The following AGMO variants were observed in gnomAD, a reference collection of about 807,000 sequenced individuals.
The protein encoded by AGMO is glyceryl-ether monooxygenase.
Under a neutral mutation model 60.2 loss-of-function variants are expected in AGMO, and 75 were observed. That is an observed-to-expected ratio of 1.25 (90% CI 1.03 to 1.51). The LOEUF is 1.51. AGMO is among the 40% of genes most tolerant of loss of function. The probability of loss-of-function intolerance (pLI) is 0.00; values close to 1 mark genes in which losing one functional copy is unlikely to be tolerated. For synonymous variants in AGMO, 261 were observed against 177.1 expected (o/e 1.47, Z -3.76); for missense variants, 763 against 525.5 (o/e 1.45, Z -4.42).
chr7:15,531,011 A>G (rs1388750599), intron 3 of AGMO, among the ~76,000 whole-genome samples: 20,579 of 38,206 alleles, frequency 0.54, 8,042 homozygotes, highest in East Asian at 0.78. Flanking sequence ...TATATTCTAT[A>G]TATATTCTAT....
chr7:15,462,196 G>C (rs1782160727), intron 3 of AGMO, among the ~76,000 whole-genome samples: 1 of 152,086 alleles, frequency 6.6e-6, no homozygotes, highest in Admixed American at 6.6e-5. Flanking sequence ...TTTCACTGCA[G>C]TTATTCCCCG....
At chr7:15,322,335 A>G (rs201394485) in intron 12 of AGMO, among the ~76,000 whole-genome samples, 2 of 146,308 alleles carry the variant, frequency 1.4e-5, no homozygotes, top group Non-Finnish European at 3.0e-5. Context: ...GATATATGCC[A>G]TACCAGTTGG....
At chr7:15,194,145 T>C in the AGMO span, among the ~76,000 whole-genome samples, 4 of 152,094 alleles carry the variant, frequency 2.6e-5, no homozygotes, top group East Asian at 7.7e-4. Flanking sequence ...CTTTTTAATT[T>C]GTAATGATCA....
At chr7:15,339,989 A>T (rs2128548646) in intron 12 of AGMO, among the ~76,000 whole-genome samples, 1 of 152,312 alleles carries the variant, frequency 6.6e-6, no homozygotes, top group South Asian at 2.1e-4. Flanking sequence ...GCATAGATGG[A>T]AGGAGCATAG....
At chr7:15,209,014 GGTTT>G (rs2115474155) in intron 12 of AGMO, among the ~76,000 whole-genome samples, 1 of 152,192 alleles carries the variant, frequency 6.6e-6, no homozygotes, top group Non-Finnish European at 1.5e-5. Context: ...TAAAACCAGA[GGTTT>G]GTTTCCATAA....
chr7:15,397,434 G>GC (rs1281169303), intron 5 of AGMO, among the ~76,000 whole-genome samples: 2 of 152,084 alleles, frequency 1.3e-5, no homozygotes, highest in Non-Finnish European at 2.9e-5. Context: ...GCCTCGGCCA[G>GC]CCCCACAGAG....
intron 12 of AGMO, among the ~76,000 whole-genome samples, chr7:15,311,937 A>G (rs1780779306): frequency 6.6e-6 from 1 of 152,208 alleles, no homozygotes; most frequent in Non-Finnish European, 1.5e-5. Context: ...CCAAAAACTG[A>G]AAGTAAATGG....
At chr7:15,390,176 C>G (rs1213110911) in intron 8 of AGMO, among the ~76,000 whole-genome samples, 2 of 151,978 alleles carry the variant, frequency 1.3e-5, no homozygotes, top group African/African-American at 2.4e-5. Context: ...TAAGAGAAAA[C>G]TGGTCCAGTC....
chr7:15,557,525 T>C (rs778316290), intron 2 of AGMO, among the ~76,000 whole-genome samples: 1 of 152,050 alleles, frequency 6.6e-6, no homozygotes, highest in Non-Finnish European at 1.5e-5. Context: ...TCCTTTTTTT[T>C]TCTGAAAGGG....
intron 12 of AGMO, among the ~76,000 whole-genome samples, chr7:15,266,386 C>G (rs1783432410): frequency 1.3e-5 from 2 of 150,794 alleles, no homozygotes; most frequent in Non-Finnish European, 3.0e-5. Flanking sequence ...GCATATTTTA[C>G]TGCAATGGAA....
At position 15,385,436 on chromosome 7, in the gene AGMO, T is replaced by A; in HGVS notation, c.1074+10A>T. On this transcript the variant is annotated intron_variant, in intron 10 of 12. Coordinates refer to ENST00000342526, the MANE Select transcript of AGMO (RefSeq NM_001004320.2). Reference sequence around the variant, plus strand: ...ATGTTCTCACACTACTTAAAATGGATATTACTTACAGCTGTATCTGCAAAG... The same window carrying A: ...ATGTTCTCACACTACTTAAAATGGAAATTACTTACAGCTGTATCTGCAAAG... 2.7e-6 allele frequency: 4 copies of A among 1,495,562 alleles called. No homozygotes were observed. The highest frequency in any genetic ancestry group is 2.3e-5 in the South Asian group (2 of 87,082). 92.6% of individuals were successfully genotyped at this position (1,495,562 alleles called of 1,614,324 possible). A position where few individuals can be genotyped will look rare whatever the true frequency, so the allele number is the denominator to read the frequency against.
At chr7:15,285,985 T>A (rs1322082248) in intron 12 of AGMO, among the ~76,000 whole-genome samples, 3 of 152,124 alleles carry the variant, frequency 2.0e-5, no homozygotes, top group African/African-American at 7.2e-5. Flanking sequence ...AAGGACACCT[T>A]ATTTAATAAA....
the AGMO span, among the ~76,000 whole-genome samples, chr7:15,121,450 C>T: frequency 2.0e-4 from 31 of 152,106 alleles, no homozygotes; most frequent in African/African-American, 6.8e-4. Flanking sequence ...AGTGTAAAAG[C>T]GTTCCTATTT....
intron 12 of AGMO, among the ~76,000 whole-genome samples, chr7:15,327,535 A>T (rs899713387): frequency 5.3e-5 from 8 of 152,098 alleles, no homozygotes; most frequent in East Asian, 1.9e-4. Context: ...CCACACATCC[A>T]TAAATATTAG....
At chr7:15,348,351 G>A (rs1309574424) in intron 12 of AGMO, among the ~76,000 whole-genome samples, 1 of 151,986 alleles carries the variant, frequency 6.6e-6, no homozygotes. Flanking sequence ...AGATAAGCAA[G>A]TGAAATTGCA....
At chr7:15,456,565 G>A (rs766100113) in intron 3 of AGMO, among the ~76,000 whole-genome samples, 13 of 152,082 alleles carry the variant, frequency 8.5e-5, no homozygotes, top group South Asian at 2.1e-4. Flanking sequence ...CTTCTAGTTC[G>A]TGGATATCAG....
intron 12 of AGMO, among the ~76,000 whole-genome samples, chr7:15,334,161 AG>A: frequency 6.6e-6 from 1 of 152,112 alleles, no homozygotes; most frequent in Non-Finnish European, 1.5e-5. Context: ...ACAAAAGAAA[AG>A]ATGTAAAGAG....
chr7:15,141,494 G>A, the AGMO span, among the ~76,000 whole-genome samples: 9 of 152,088 alleles, frequency 5.9e-5, no homozygotes, highest in African/African-American at 2.2e-4. Flanking sequence ...GCTGAGGCAG[G>A]AGAATTGCTT....
At chr7:15,206,346 C>T (rs1583291190) in intron 12 of AGMO, among the ~76,000 whole-genome samples, 1 of 116,242 alleles carries the variant, frequency 8.6e-6, no homozygotes, top group African/African-American at 2.7e-5. Context: ...TCTATATATA[C>T]AAACATATTT....
Sources: allele counts gnomAD v4.1 joint callset (sites outside exome capture counted in the v4.1 genomes callset), GRCh38; gene constraint gnomAD v4.1.1; transcripts MANE v1.5; gene names NCBI Gene and HGNC (gene_info 2026-07-23, HGNC 2026-07-21).